FGF12: variants seen among roughly 807,000 people sequenced by gnomAD.
FGF12 encodes fibroblast growth factor 12.
FGF12 carries 14 observed loss-of-function variants against 23.6 expected under a neutral mutation model. The observed-to-expected ratio is 0.59, with a 90% CI of 0.39 to 0.93. The LOEUF (loss-of-function observed/expected upper bound fraction) is 0.93, where lower values mean the gene tolerates loss of function less well. Ranked by LOEUF, FGF12 falls within the 40% of genes least tolerant of loss-of-function variation. FGF12 has a pLI of 0.00. For synonymous variants in FGF12, 62 were observed against 77.3 expected, an observed-to-expected ratio of 0.80 and a Z score of 1.04; for missense variants, 175 against 217.8, an observed-to-expected ratio of 0.80 and a Z score of 1.24.
chr3:192,358,708 G>A (rs1414836486), intron 3 of FGF12, among the ~76,000 whole-genome samples: 1 of 152,182 alleles, frequency 6.6e-6, no homozygotes, highest in Admixed American at 6.5e-5. Flanking sequence ...TCTGCCCCAT[G>A]ATAAATGTCA....
intron 2 of FGF12, among the ~76,000 whole-genome samples, chr3:192,695,559 A>C (rs775673671): frequency 6.6e-6 from 1 of 152,202 alleles, no homozygotes; most frequent in Non-Finnish European, 1.5e-5. Context: ...GTCTTATGTC[A>C]GTTTTTTCAG....
intron 2 of FGF12, among the ~76,000 whole-genome samples, chr3:192,623,049 CATT>C (rs1267118461): frequency 6.6e-6 from 1 of 152,154 alleles, no homozygotes; most frequent in Non-Finnish European, 1.5e-5. Flanking sequence ...AAGTGTCACT[CATT>C]ATTCAATTAA....
At chr3:192,221,312 C>G (rs1036347343) in intron 4 of FGF12, among the ~76,000 whole-genome samples, 1 of 152,158 alleles carries the variant, frequency 6.6e-6, no homozygotes, top group Non-Finnish European at 1.5e-5. Context: ...TCTGCACATT[C>G]TCTTAGGCTC....
At chr3:192,521,990 A>G (rs1724824674) in intron 2 of FGF12, among the ~76,000 whole-genome samples, 1 of 152,152 alleles carries the variant, frequency 6.6e-6, no homozygotes, top group African/African-American at 2.4e-5. Context: ...CGAGGTCAGG[A>G]GATTGAGACC....
intron 2 of FGF12, among the ~76,000 whole-genome samples, chr3:192,642,486 A>T (rs1185051227): frequency 6.6e-6 from 1 of 152,258 alleles, no homozygotes; most frequent in African/African-American, 2.4e-5. Context: ...TTTCCTGTGC[A>T]TGGTTATCTC....
intron 2 of FGF12, among the ~76,000 whole-genome samples, chr3:192,454,185 C>T (rs548111801): frequency 1.2e-4 from 18 of 152,148 alleles, no homozygotes; most frequent in Admixed American, 2.6e-4. Flanking sequence ...ACTATAGGTG[C>T]GTGCCACCAT....
chr3:192,601,474 G>A (rs1714112297), intron 2 of FGF12, among the ~76,000 whole-genome samples: 1 of 152,102 alleles, frequency 6.6e-6, no homozygotes, highest in East Asian at 1.9e-4. Flanking sequence ...AAATGTTTGA[G>A]ATAATGGATA....
chr3:192,620,041 C>T lies in FGF12; in HGVS notation c.13+107140G>A, dbSNP rs192621252. Among the ~76,000 whole-genome samples the T allele has an allele frequency of 5.4e-4, 82 of 152,126 alleles. No homozygotes were observed. The South Asian group carries it at 5.8e-3, about 11-fold the overall frequency. On this transcript the variant is annotated intron_variant, in intron 2 of 5. Transcript: ENST00000445105. Reference sequence around the variant, plus strand: ...CCTGTGGTCATTTGTGCTCAGTGGGCGAGAAGAGCTTACTGGAACTCTTAT... The same window carrying T: ...CCTGTGGTCATTTGTGCTCAGTGGGTGAGAAGAGCTTACTGGAACTCTTAT...
At chr3:192,271,983 C>G (rs1039625561) in intron 4 of FGF12, among the ~76,000 whole-genome samples, 10 of 152,114 alleles carry the variant, frequency 6.6e-5, no homozygotes, top group Non-Finnish European at 1.3e-4. Flanking sequence ...TGATCTGGTC[C>G]TACTCATTTC....
At chr3:192,299,820 A>T (rs1218823695) in intron 4 of FGF12, among the ~76,000 whole-genome samples, 1 of 152,184 alleles carries the variant, frequency 6.6e-6, no homozygotes, top group Admixed American at 6.5e-5. Context: ...GCAATGAGTA[A>T]GGCACAAAAC....
At chr3:192,190,704 T>C (rs1326854949) in intron 4 of FGF12, among the ~76,000 whole-genome samples, 1 of 151,948 alleles carries the variant, frequency 6.6e-6, no homozygotes, top group Non-Finnish European at 1.5e-5. Flanking sequence ...CTCCATCTCC[T>C]GACCTCGTGA....
rs1005624922 is a variant in FGF12, at chr3:192,382,283, C to T, written c.14-21745G>A. 6.6e-5 allele frequency among the ~76,000 whole-genome samples: 10 copies of T among 152,204 alleles called. No individual in the cohort carries two copies. In the East Asian group the frequency reaches 1.2e-3, roughly 18 times the overall value. ...TACTGGGATTACAGGTGTGAGCCAC[C>T]GCGCCCGGCCTAGCATAACACTTTT... On this transcript the variant is annotated intron_variant, in intron 2 of 5. Coordinates refer to ENST00000445105, the MANE Select transcript of FGF12 (RefSeq NM_004113.6).
At chr3:192,626,244 T>C (rs1160793774) in intron 2 of FGF12, among the ~76,000 whole-genome samples, 2 of 152,236 alleles carry the variant, frequency 1.3e-5, no homozygotes, top group Non-Finnish European at 2.9e-5. Context: ...ATATGTTATT[T>C]ATTTCATGGT....
chr3:192,219,745 A>C (rs1718378255), intron 4 of FGF12, among the ~76,000 whole-genome samples: 1 of 152,194 alleles, frequency 6.6e-6, no homozygotes, highest in South Asian at 2.1e-4. Context: ...ATAAATGTGC[A>C]TGTGATTCTG....
At position 192,321,971 on chromosome 3, in the gene FGF12, C is replaced by G. The variant is rs77347417; in HGVS notation, c.228+13390G>C. Among the ~76,000 whole-genome samples, 164 of 151,872 alleles carry G rather than the reference C, an allele frequency of 1.1e-3. 1 individual carries two copies. The highest frequency in any genetic ancestry group is 3.8e-3 in the African/African-American group (157 of 41,450). On this transcript the variant is annotated intron_variant, in intron 4 of 5. Coordinates refer to ENST00000445105, the MANE Select transcript of FGF12 (RefSeq NM_004113.6). ...ATAATCCTGGAAGTCCTAGCTAGAA[C>G]AATCAGACAAGAGAAAGAAATAAAA...
chr3:192,334,709 G>A (rs1717304740), intron 4 of FGF12, among the ~76,000 whole-genome samples: 1 of 152,092 alleles, frequency 6.6e-6, no homozygotes, highest in African/African-American at 2.4e-5. Flanking sequence ...ATACAACATT[G>A]TGTCCAACAT....
intron 2 of FGF12, among the ~76,000 whole-genome samples, chr3:192,485,397 A>G (rs58776428): frequency 0.026 from 3,974 of 152,282 alleles, 183 homozygotes; most frequent in African/African-American, 0.088. Flanking sequence ...GAAAAGTTAA[A>G]TATTAATGCT....
At chr3:192,448,056 A>G (rs149198814) in intron 2 of FGF12, among the ~76,000 whole-genome samples, 2 of 152,062 alleles carry the variant, frequency 1.3e-5, no homozygotes, top group Non-Finnish European at 2.9e-5. Context: ...ATTCATTTTC[A>G]TTTCTTCAAA....
At chr3:192,549,029 G>T (rs746215645) in intron 2 of FGF12, among the ~76,000 whole-genome samples, 3 of 152,090 alleles carry the variant, frequency 2.0e-5, no homozygotes, top group Non-Finnish European at 4.4e-5. Flanking sequence ...TTCTTAATAG[G>T]CATTAAAGTG....
Sources: gnomAD v4.1 joint callset for allele counts (sites outside exome capture counted in the v4.1 genomes callset) on GRCh38, gnomAD v4.1.1 for gene constraint, MANE v1.5 for transcripts, NCBI Gene and HGNC (gene_info 2026-07-23, HGNC 2026-07-21) for gene names.